ZNF850: variants seen among roughly 807,000 people sequenced by gnomAD.
ZNF850 encodes the protein zinc finger protein 850.
ZNF850 carries 2 observed loss-of-function variants against 11.9 expected under a neutral mutation model. The ratio of observed to expected loss-of-function variants is 0.17; its 90% CI spans 0.07 to 0.53. The LOEUF is 0.53. Among genes scored for constraint, ZNF850 ranks in the 20% least tolerant of loss-of-function variants. The pLI, the probability that ZNF850 is intolerant of heterozygous loss-of-function variation, is 0.94. For missense variants in ZNF850, 1,014 were observed against 1,316.4 expected, an observed-to-expected ratio of 0.77 and a Z score of 3.55; for synonymous variants, 381 against 443.0, an observed-to-expected ratio of 0.86 and a Z score of 1.76.
rs143124292 is a variant in ZNF850 at position 36,765,800 on chromosome 19, T to C, written c.-69-3125A>G. ...GGTTTCTCCATGTTGGTCAGGCTGGTATCAAACTCCTGACCTCAGGTGATC... is the reference window on the plus strand; with the variant it reads ...GGTTTCTCCATGTTGGTCAGGCTGGCATCAAACTCCTGACCTCAGGTGATC... On this transcript the variant is annotated intron_variant, in intron 1 of 4. Coordinates refer to ENST00000591344, the MANE Select transcript of ZNF850 (RefSeq NM_001193552.2). 4.2e-3 allele frequency among the ~76,000 whole-genome samples: 641 copies of C among 152,176 alleles called. 4 individuals carry two copies. Among genetic ancestry groups the C allele is most frequent in the Middle Eastern group, 0.037 (11 of 294 alleles).
At chr19:36,761,763 T>C in intron 3 of ZNF850, 25 bp from the exon 4 acceptor site, 3 of 1,386,618 alleles carry the variant, frequency 2.2e-6, no homozygotes, top group Non-Finnish European at 3.0e-6. Context: ...AGAAGTAAGA[T>C]AGCCAGGCAT....
Position 36,748,102 on chromosome 19 carries a change from G to T in ZNF850, c.2938C>A (p.Pro980Thr). 1 of 1,550,958 alleles carries T rather than the reference G, an allele frequency of 6.4e-7. No homozygotes were observed. The highest frequency in any genetic ancestry group is 8.7e-7 in the Non-Finnish European group (1 of 1,151,520). Residue 980 changes from proline (P) to threonine (T), a missense_variant, in exon 5 of 5, where the codon CCT becomes ACT. Around this residue, in one of 2 missense-constraint regions of ZNF850, gnomAD observed 179 missense variants for 294.4 expected, o/e 0.61. Coordinates refer to ENST00000591344, the MANE Select transcript of ZNF850 (RefSeq NM_001193552.2). ...LHQRIHTGDR[P>T]YECKECGKSF... is the part of the protein sequence containing the mutation. ...TTCCCACATTCTTTACATTCATAAGGTCTGTCACCGGTATGAATTCTCTGA... is the reference window on the plus strand; with the variant it reads ...TTCCCACATTCTTTACATTCATAAGTTCTGTCACCGGTATGAATTCTCTGA...
At chr19:36,765,983 G>A (rs2040547117) in intron 1 of ZNF850, among the ~76,000 whole-genome samples, 1 of 152,014 alleles carries the variant, frequency 6.6e-6, no homozygotes, top group Non-Finnish European at 1.5e-5. Flanking sequence ...CTGCCTCCTG[G>A]GTTCAAGTGA....
Position 36,747,821 on chromosome 19 carries a change from G to T in ZNF850, c.3219C>A (p.Ala1073=). 6.4e-7 allele frequency: 1 copy of T among 1,573,386 alleles called. No homozygotes were observed. Among genetic ancestry groups the T allele is most frequent in the East Asian group, 2.3e-5 (1 of 43,134 alleles). Residue 1073 remains alanine (A), a synonymous_variant, in exon 5 of 5, where the codon GCC becomes GCA. Transcript: ENST00000591344. ...GAGTAAGCTGTGTAAGCTGTTTAAA[G>T]GCCTTCCCACATGTCTTACATTCAT... is the stretch of plus-strand genomic sequence containing the variant. ...KPYECKTCGK[A]FKQLTQLTRH...
Position 36,749,909 on chromosome 19 carries a change from G to A in ZNF850, c.1131C>T (p.His377=). 2.5e-6 allele frequency: 4 copies of A among 1,573,250 alleles called. No homozygotes were observed. In the South Asian group the frequency reaches 3.5e-5, roughly 14 times the overall value. The change falls in exon 5 of 5, where the codon CAC becomes CAT. Residue 377 remains histidine (H), a synonymous_variant. Coordinates refer to ENST00000591344, the MANE Select transcript of ZNF850 (RefSeq NM_001193552.2). ...TTCGCTGATGTCGAATTAGAGCTGA[G>A]TGAAAAGTAAAAGATTTTCCACATT... ...CKECGKSFTF[H]SALIRHQRIH... is the part of the protein sequence containing the mutation.
rs1362358404 is a variant in ZNF850, at chr19:36,751,064, T to A, written c.236-260A>T. 1.2e-5 allele frequency among the ~76,000 whole-genome samples: 1 copy of A among 86,464 alleles called. No homozygotes were observed. The highest frequency in any genetic ancestry group is 4.3e-5 in the African/African-American group (1 of 23,286). The allele number at this position is 86,464 out of a possible 152,430, so 56.7% of individuals were successfully genotyped here. ...CTGGGCCACAGAGCAAGACCCTGTC[T>A]TAAAAAAAAAAAAAAAAAAAAAAAG... On this transcript the variant is annotated intron_variant, in intron 4 of 4. Transcript: ENST00000591344.
At position 36,745,110 on chromosome 19, in the gene ZNF850, C is replaced by CT. The variant is rs1023701426; in HGVS notation, c.*2656dup. ...CTCCAGCCTGGGCGACAGAACGAGA[C>CT]TGTCTCAAAAAAAATCAATTGAGAC... On this transcript the variant is annotated 3_prime_UTR_variant, in exon 5 of 5. Transcript: ENST00000591344. The CT allele has an allele frequency of 5.1e-4, 78 of 151,654 alleles. No homozygotes were observed. The highest frequency in any genetic ancestry group is 1.9e-3 in the African/African-American group (77 of 41,340). The allele number at this position is 151,654 out of a possible 1,614,324, so 9.4% of individuals were successfully genotyped here.
At chr19:36,754,840 C>T (rs576196540) in intron 4 of ZNF850, among the ~76,000 whole-genome samples, 2 of 152,132 alleles carry the variant, frequency 1.3e-5, no homozygotes, top group South Asian at 2.1e-4. Context: ...CAGGCGTGAG[C>T]GACCACGCAC....
chr19:36,769,607 AAAAT>A (rs1053659409), intron 1 of ZNF850, among the ~76,000 whole-genome samples: 17 of 152,270 alleles, frequency 1.1e-4, no homozygotes, highest in African/African-American at 3.6e-4. Flanking sequence ...CTCAAAAATA[AAAAT>A]AAATAAATAA....
At chr19:36,764,663 T>C (rs1316544222) in intron 1 of ZNF850, among the ~76,000 whole-genome samples, 1 of 152,128 alleles carries the variant, frequency 6.6e-6, no homozygotes, top group African/African-American at 2.4e-5. Context: ...TTTTTGTGCA[T>C]GTGTGTTGTT....
intron 1 of ZNF850, among the ~76,000 whole-genome samples, chr19:36,766,932 G>A (rs1325289238): frequency 1.3e-5 from 2 of 152,012 alleles, no homozygotes; most frequent in South Asian, 2.1e-4. Flanking sequence ...GTGAAACCTG[G>A]TCTCTACTTA....
Position 36,749,724 on chromosome 19 carries a change from T to A in ZNF850, c.1316A>T (p.His439Leu), listed in dbSNP as rs1358323788. The stretch of plus-strand genomic sequence containing the variant: ...TTTCTCACCAGTGTGAATTCGCTGA[T>A]GTTGAATTAGTGTTGAGCCAGCAGT... ...SFTAGSTLIQ[H>L]QRIHTGEKPY... The change falls in exon 5 of 5, where the codon CAT (histidine) becomes CTT (leucine). Residue 439 changes from histidine to leucine, a missense_variant. Physicochemically the swap from His to Leu is moderately conservative, Grantham distance 99. Around this residue, in one of 2 missense-constraint regions of ZNF850, gnomAD observed 835 missense variants for 1,022.0 expected, o/e 0.82. Transcript: ENST00000591344. 1 of 1,559,586 alleles carries A rather than the reference T, an allele frequency of 6.4e-7. No individual in the cohort carries two copies. The highest frequency in any genetic ancestry group is 8.7e-7 in the Non-Finnish European group (1 of 1,154,378).
chr19:36,749,347 C>G lies in ZNF850; in HGVS notation c.1693G>C (p.Glu565Gln), dbSNP rs937227082. 2 of 1,551,306 alleles carry G rather than the reference C, an allele frequency of 1.3e-6. No individual in the cohort carries two copies. The highest frequency in any genetic ancestry group is 1.7e-6 in the Non-Finnish European group (2 of 1,152,850). Residue 565 changes from glutamate (E) to glutamine (Q), a missense_variant, in exon 5 of 5, where the codon GAA (glutamate) becomes CAA (glutamine). Physicochemically the swap from Glu to Gln is conservative, Grantham distance 29. This residue lies in a region of ZNF850 where 835 missense variants were observed against 1,022.0 expected (regional missense o/e 0.82). Coordinates refer to ENST00000591344, the MANE Select transcript of ZNF850 (RefSeq NM_001193552.2). Reference protein sequence around the residue: ...HTGEKPYDCKECGKSFTSRSA... With the variant: ...HTGEKPYDCKQCGKSFTSRSA... ...CGAGAAGTAAAAGATTTTCCACATT[C>G]TTTACAATCATAGGGTTTCTCACCA...
chr19:36,757,962 C>T (rs775469451), intron 4 of ZNF850, among the ~76,000 whole-genome samples: 7 of 152,164 alleles, frequency 4.6e-5, no homozygotes, highest in Non-Finnish European at 8.8e-5. Context: ...CCCGGAGTTA[C>T]AGGTGTTAGT....
In ZNF850 at chr19:36,748,300, G is replaced by A; in HGVS notation, c.2740C>T (p.Gln914Ter). The A allele has an allele frequency of 6.3e-7, 1 of 1,576,644 alleles. No individual in the cohort carries two copies. The highest frequency in any genetic ancestry group is 1.1e-5 in the South Asian group (1 of 87,064). Residue 914 changes from glutamine to a stop codon, truncating the protein, a stop_gained, in exon 5 of 5, where the codon CAA becomes TAA. Coordinates refer to ENST00000591344, the MANE Select transcript of ZNF850 (RefSeq NM_001193552.2). LOFTEE classifies it low-confidence loss of function (END_TRUNC). ...KAFRRRSKLT[Q>*]HQRIHTGEKP... ...TCACCAGTATGGATTCGTTGATGTT[G>A]AGTAAGTTTTGAACGACGTCTAAAG...
At chr19:36,760,796 T>A (rs759890894) in intron 4 of ZNF850, among the ~76,000 whole-genome samples, 62 of 150,464 alleles carry the variant, frequency 4.1e-4, no homozygotes, top group Non-Finnish European at 7.7e-4. Flanking sequence ...ACCCGGGAAG[T>A]GGAGGTTGCA....
chr19:36,752,304 C>T (rs2145957951), intron 4 of ZNF850, among the ~76,000 whole-genome samples: 1 of 152,156 alleles, frequency 6.6e-6, no homozygotes, highest in South Asian at 2.1e-4. Flanking sequence ...AGAAAGTGTG[C>T]ATTATGAGCA....
At chr19:36,762,792 G>C (rs1333500672) in intron 1 of ZNF850, 117 bp from the exon 2 acceptor site, 2 of 598,152 alleles carry the variant, frequency 3.3e-6, no homozygotes, top group Non-Finnish European at 5.8e-6. Context: ...GTAAACATCT[G>C]ATATGCAAAT....
In ZNF850 at chr19:36,749,114, C is replaced by A; in HGVS notation, c.1926G>T (p.Glu642Asp). Residue 642 changes from glutamate (E) to aspartate (D), a missense_variant, in exon 5 of 5, where the codon GAG (glutamate) becomes GAT (aspartate). Physicochemically the swap from Glu to Asp is conservative, Grantham distance 45 (BLOSUM62 2). Transcript: ENST00000591344. ...CACATTCCTGACATTGATAAGGTTT[C>A]TCACCAGTATGGATTTGTTGATGTT... ...LTQHQQIHTG[E>D]KPYQCQECGK... 6.2e-7 allele frequency: 1 copy of A among 1,602,868 alleles called. No individual in the cohort carries two copies. Among genetic ancestry groups the A allele is most frequent in the Non-Finnish European group, 8.5e-7 (1 of 1,176,204 alleles).
Sources: allele counts gnomAD v4.1 joint callset (sites outside exome capture counted in the v4.1 genomes callset), GRCh38; gene constraint gnomAD v4.1.1; regional missense constraint gnomAD v4.1.1; transcripts MANE v1.5; gene names NCBI Gene and HGNC (gene_info 2026-07-23, HGNC 2026-07-21).